Variants in ZNF212 observed in about 807,000 individuals in gnomAD.
ZNF212 encodes Zinc finger protein C2H2-150.
ZNF212 carries 32 observed loss-of-function variants against 47.3 expected under a neutral mutation model. The ratio of observed to expected loss-of-function variants is 0.68; its 90% CI spans 0.51 to 0.91. The LOEUF is 0.91. Ranked by LOEUF, ZNF212 falls within the 40% of genes least tolerant of loss-of-function variation. The pLI is 0.00. For missense variants in ZNF212, 555 were observed against 622.8 expected (o/e 0.89, Z 1.16); for synonymous variants, 242 against 253.8 (o/e 0.95, Z 0.44).
At chr7:149,251,482 CTGTTT>C (rs1796756689) in intron 3 of ZNF212, among the ~76,000 whole-genome samples, 2 of 140,170 alleles carry the variant, frequency 1.4e-5, no homozygotes, top group Admixed American at 1.5e-4. Flanking sequence ...TGCGTCTGGC[CTGTTT>C]TATCTTTTTT....
At position 149,250,702 on chromosome 7, in the gene ZNF212, G is replaced by A. The variant is rs1796741213; in HGVS notation, c.436G>A (p.Asp146Asn). ...APKVSRSLEN[D>N]GVCFTEQEWE... Reference sequence around the variant, plus strand: ...CCAGGTGTCCAGGTCACTGGAGAATGATGGCGTCTGTTTCACCGAGCAGGA... The same window carrying A: ...CCAGGTGTCCAGGTCACTGGAGAATAATGGCGTCTGTTTCACCGAGCAGGA... The change falls in exon 3 of 5, where the codon GAT becomes AAT. Residue 146 changes from aspartate (D) to asparagine (N), a missense_variant. By Grantham distance (23) the Asp-to-Asn change is conservative (BLOSUM62 1). Transcript: ENST00000335870. 1 of 1,614,142 alleles carries A rather than the reference G, an allele frequency of 6.2e-7. No individual in the cohort carries two copies. The highest frequency in any genetic ancestry group is 1.3e-5 in the African/African-American group (1 of 74,936).
intron 1 of ZNF212, 140 bp from the exon 2 acceptor site, chr7:149,250,019 A>G: frequency 1.3e-6 from 1 of 747,400 alleles, no homozygotes; most frequent in Non-Finnish European, 1.9e-6. Flanking sequence ...ATATCTATGT[A>G]TAATTTTTAG....
chr7:149,252,607 T>A, intron 3 of ZNF212, 99 bp from the exon 4 acceptor site: 5 of 1,040,158 alleles, frequency 4.8e-6, no homozygotes, highest in Non-Finnish European at 7.3e-6. Flanking sequence ...GAATCTATAT[T>A]TCCTCCCTGC....
rs1796560440 is a variant in ZNF212, at chr7:149,239,815, C to CG, written c.24+15dup. The CG allele has an allele frequency of 7.9e-7, 1 of 1,273,026 alleles. No homozygotes were observed. 78.9% of individuals were successfully genotyped at this position (1,273,026 alleles called of 1,614,324 possible). A position where few individuals can be genotyped will look rare whatever the true frequency, so the allele number is the denominator to read the frequency against. On this transcript the variant is annotated intron_variant, in intron 1 of 4. Transcript: ENST00000335870. ...GGCGCCTGCTCGGGTAAAGAGGCACCGGCGCGCTGGCTCGAGGGCGCGTTG... is the reference window on the plus strand; with the variant it reads ...GGCGCCTGCTCGGGTAAAGAGGCACCGGGCGCGCTGGCTCGAGGGCGCGTTG...
At chr7:149,244,102 A>G (rs984664736) in intron 1 of ZNF212, among the ~76,000 whole-genome samples, 1 of 151,718 alleles carries the variant, frequency 6.6e-6, no homozygotes, top group Non-Finnish European at 1.5e-5. Context: ...CACCCGGCTA[A>G]TTTTGTATTT....
intron 1 of ZNF212, among the ~76,000 whole-genome samples, chr7:149,244,785 G>A (rs950315842): frequency 3.9e-5 from 6 of 152,150 alleles, no homozygotes; most frequent in African/African-American, 1.2e-4. Context: ...AGGTAAGGCC[G>A]TTGAACAGAA....
chr7:149,254,057 G>C lies in ZNF212; in HGVS notation c.1130G>C (p.Ser377Thr), dbSNP rs1796798968. 1 of 1,612,698 alleles carries C rather than the reference G, an allele frequency of 6.2e-7. No homozygotes were observed. Among genetic ancestry groups the C allele is most frequent in the African/African-American group, 1.3e-5 (1 of 74,926 alleles). ...CATCAGTGTGATGTGTGCCTGAGGA[G>C]CTTCAGCTGCAAGGTGAGCCTGGTG... ...KLHQCDVCLR[S>T]FSCKVSLVTH... is the part of the protein sequence containing the mutation. The change falls in exon 5 of 5, where the codon AGC becomes ACC. Residue 377 changes from serine (S) to threonine (T), a missense_variant. Transcript: ENST00000335870. The surrounding 1 kb of genome is among the most constrained non-coding windows in gnomAD (Gnocchi z 4.5).
chr7:149,254,390 C>T lies in ZNF212; in HGVS notation c.1463C>T (p.Pro488Leu), dbSNP rs139134718. ...QRERGGLALE[P>L]GRPNGLL ...GAGCGGGGTGGGCTGGCCCTGGAGC[C>T]CGGAAGGCCCAATGGCCTGCTTTAA... Residue 488 changes from proline to leucine, a missense_variant, in exon 5 of 5, where the codon CCC becomes CTC. Physicochemically the swap from Pro to Leu is moderately conservative, Grantham distance 98. Coordinates refer to ENST00000335870, the MANE Select transcript of ZNF212 (RefSeq NM_012256.4). This position sits in a 1 kb window ranked among gnomAD's most constrained non-coding sequence, Gnocchi z 4.5. The T allele has an allele frequency of 3.2e-5, 51 of 1,603,698 alleles. 1 individual carries two copies. In the African/African-American group the frequency reaches 6.1e-4, roughly 19 times the overall value.
intron 1 of ZNF212, among the ~76,000 whole-genome samples, chr7:149,240,348 TTTTG>T (rs926613126): frequency 6.6e-6 from 1 of 152,152 alleles, no homozygotes; most frequent in African/African-American, 2.4e-5. Flanking sequence ...AGTTGCTGCA[TTTTG>T]TTTGTAGAGC....
Position 149,250,728 on chromosome 7 carries a change from A to AT in ZNF212, c.463dup (p.Trp155LeufsTer19), listed in dbSNP as rs746018657. 7 of 1,614,124 alleles carry AT rather than the reference A, an allele frequency of 4.3e-6. No homozygotes were observed. The East Asian group carries it at 1.6e-4, about 36-fold the overall frequency. ...ATGGCGTCTGTTTCACCGAGCAGGA[A>AT]TGGGAGAATCTGGAGGATTGGCAGA... On this transcript the variant is annotated frameshift_variant, in exon 3 of 5. Transcript: ENST00000335870. LOFTEE classifies it high-confidence loss of function.
rs1453705742 is a variant in ZNF212, at chr7:149,253,821, G to A, written c.894G>A (p.Leu298=). The A allele has an allele frequency of 1.2e-6, 2 of 1,613,872 alleles. No individual in the cohort carries two copies. The highest frequency in any genetic ancestry group is 1.7e-6 in the Non-Finnish European group (2 of 1,179,926). ...PKQKSHRQVQ[L]DQECGQGLKL... is the part of the protein sequence containing the mutation. Reference sequence around the variant, plus strand: ...AGAAATCTCATAGGCAGGTACAGCTGGACCAGGAATGTGGGCAGGGCCTGA... The same window carrying A: ...AGAAATCTCATAGGCAGGTACAGCTAGACCAGGAATGTGGGCAGGGCCTGA... The change falls in exon 5 of 5, where the codon CTG becomes CTA. Residue 298 remains leucine, a synonymous_variant. Coordinates refer to ENST00000335870, the MANE Select transcript of ZNF212 (RefSeq NM_012256.4).
chr7:149,253,472 C>T, intron 4 of ZNF212, 87 bp from the exon 5 acceptor site: 1 of 1,490,906 alleles, frequency 6.7e-7, no homozygotes, highest in Non-Finnish European at 8.9e-7. Context: ...TGGGGTGCTT[C>T]TGAAATTCAC....
chr7:149,254,142 G>C lies in ZNF212; in HGVS notation c.1215G>C (p.Arg405Ser), dbSNP rs1236618492. 1 of 1,614,168 alleles carries C rather than the reference G, an allele frequency of 6.2e-7. No homozygotes were observed. Among genetic ancestry groups the C allele is most frequent in the African/African-American group, 1.3e-5 (1 of 75,072 alleles). Residue 405 changes from arginine (R) to serine (S), a missense_variant, in exon 5 of 5, where the codon AGG becomes AGC. Arg to Ser is a moderately radical substitution (Grantham distance 110). Transcript: ENST00000335870. The surrounding 1 kb of genome is among the most constrained non-coding windows in gnomAD (Gnocchi z 4.5). ...GTGCCGGCCAGCATGTCCAAGAGAG[G>C]TTCTCACCCAACAGCCTGGTTGCCC... Reference protein sequence around the residue: ...GPSAGQHVQERFSPNSLVALP... With the variant: ...GPSAGQHVQESFSPNSLVALP...
chr7:149,239,819 G>C lies in ZNF212; in HGVS notation c.24+17G>C. The C allele has an allele frequency of 7.9e-7, 1 of 1,272,688 alleles. No individual in the cohort carries two copies. Among genetic ancestry groups the C allele is most frequent in the East Asian group, 3.0e-5 (1 of 33,000 alleles). The allele number at this position is 1,272,688 out of a possible 1,614,324, so 78.8% of individuals were successfully genotyped here. On this transcript the variant is annotated intron_variant, in intron 1 of 4. Transcript: ENST00000335870. ...CCTGCTCGGGTAAAGAGGCACCGGC[G>C]CGCTGGCTCGAGGGCGCGTTGGGGA...
chr7:149,246,258 T>C (rs182840824), intron 1 of ZNF212, among the ~76,000 whole-genome samples: 16 of 152,360 alleles, frequency 1.1e-4, no homozygotes, highest in Admixed American at 6.5e-5. Flanking sequence ...ACCATTTACA[T>C]ACAGTAAAAT....
intron 1 of ZNF212, among the ~76,000 whole-genome samples, chr7:149,248,815 T>C (rs1356694685): frequency 6.6e-6 from 1 of 152,272 alleles, no homozygotes; most frequent in African/African-American, 2.4e-5. Flanking sequence ...TAAGCTTTTG[T>C]CTCATGTGTT....
Position 149,250,743 on chromosome 7 carries a change from G to C in ZNF212, c.477G>C (p.Glu159Asp). 1 of 1,614,232 alleles carries C rather than the reference G, an allele frequency of 6.2e-7. No individual in the cohort carries two copies. Among genetic ancestry groups the C allele is most frequent in the South Asian group, 1.1e-5 (1 of 91,086 alleles). Reference sequence around the variant, plus strand: ...CCGAGCAGGAATGGGAGAATCTGGAGGATTGGCAGAAGGAGCTCTACAGAA... The same window carrying C: ...CCGAGCAGGAATGGGAGAATCTGGACGATTGGCAGAAGGAGCTCTACAGAA... ...CFTEQEWENL[E>D]DWQKELYRNV... Residue 159 changes from glutamate (E) to aspartate (D), a missense_variant, in exon 3 of 5, where the codon GAG becomes GAC. Transcript: ENST00000335870.
At chr7:149,241,684 G>A (rs976695404) in intron 1 of ZNF212, among the ~76,000 whole-genome samples, 1 of 152,166 alleles carries the variant, frequency 6.6e-6, no homozygotes, top group Non-Finnish European at 1.5e-5. Context: ...AAACTTAAGC[G>A]AAAGAGGAAA....
At chr7:149,253,529 C>A (rs1204824891) in intron 4 of ZNF212, 30 bp from the exon 5 acceptor site, 2 of 1,575,564 alleles carry the variant, frequency 1.3e-6, no homozygotes, top group Non-Finnish European at 1.7e-6. Flanking sequence ...AGAATGTGAT[C>A]TTTTTTGTTG....
Sources: gnomAD v4.1 joint callset for allele counts (sites outside exome capture counted in the v4.1 genomes callset) on GRCh38, gnomAD v4.1.1 for gene constraint, Gnocchi (gnomAD v3.1) non-coding constraint, MANE v1.5 for transcripts, NCBI Gene and HGNC (gene_info 2026-07-23, HGNC 2026-07-21) for gene names.